Variants in UBR3 observed in about 807,000 individuals in gnomAD.
UBR3 encodes the protein E3 ubiquitin-protein ligase UBR3.
Under a neutral mutation model 243.2 loss-of-function variants are expected in UBR3, and 85 were observed. The observed-to-expected ratio is 0.35, with a 90% CI of 0.29 to 0.42. The LOEUF is 0.42. Among genes scored for constraint, UBR3 ranks in the 10% least tolerant of loss-of-function variants. The probability of loss-of-function intolerance (pLI) is 1.00; values close to 1 mark genes in which losing one functional copy is unlikely to be tolerated. For synonymous variants in UBR3, 748 were observed against 799.8 expected, an observed-to-expected ratio of 0.94 and a Z score of 1.09; for missense variants, 1,686 against 2,300.8, an observed-to-expected ratio of 0.73 and a Z score of 5.47.
intron 23 of UBR3, among the ~76,000 whole-genome samples, chr2:169,956,203 ACTCTCTCT>A (rs34139919): frequency 8.2e-5 from 12 of 145,886 alleles, no homozygotes; most frequent in South Asian, 2.2e-4. Context: ...GACACCTATA[ACTCTCTCT>A]CTCTCTCTCT....
At chr2:169,930,251 T>G (rs2086069750) in intron 18 of UBR3, among the ~76,000 whole-genome samples, 1 of 152,188 alleles carries the variant, frequency 6.6e-6, no homozygotes, top group South Asian at 2.1e-4. Flanking sequence ...AACAAGCTGT[T>G]TAGATGACTG....
chr2:169,905,420 G>C, intron 9 of UBR3, 127 bp downstream of exon 9: 1 of 646,960 alleles, frequency 1.5e-6, no homozygotes, highest in East Asian at 3.4e-5. Context: ...TATTTTAATT[G>C]GTATTTGTAA....
chr2:169,861,627 GAAAA>G (rs2083095996), intron 1 of UBR3, among the ~76,000 whole-genome samples: 1 of 150,110 alleles, frequency 6.7e-6, no homozygotes, highest in African/African-American at 2.4e-5. Flanking sequence ...AAAAAGAAAA[GAAAA>G]AGAAAAGCCC....
chr2:170,002,595 C>T (rs1325429753), intron 27 of UBR3, among the ~76,000 whole-genome samples: 1 of 152,148 alleles, frequency 6.6e-6, no homozygotes, highest in Non-Finnish European at 1.5e-5. Context: ...AGTACTGTAG[C>T]CCTTCTTCTG....
At chr2:169,943,096 C>A (rs978086417) in intron 20 of UBR3, among the ~76,000 whole-genome samples, 1 of 152,104 alleles carries the variant, frequency 6.6e-6, no homozygotes, top group Non-Finnish European at 1.5e-5. Flanking sequence ...GTGGCAAGAT[C>A]AAAAATTGTT....
At chr2:170,035,614 T>A (rs1009682337) in intron 31 of UBR3, among the ~76,000 whole-genome samples, 80 of 152,122 alleles carry the variant, frequency 5.3e-4, no homozygotes, top group African/African-American at 1.9e-3. Flanking sequence ...CTAATTTTGT[T>A]CTTCTTCGAT....
intron 26 of UBR3, among the ~76,000 whole-genome samples, chr2:169,996,691 TTG>T (rs869270044): frequency 0.078 from 3,358 of 43,050 alleles, 136 homozygotes; most frequent in Non-Finnish European, 0.15. Context: ...CTTTGGACTT[TTG>T]TTTTTTTTTT....
intron 11 of UBR3, among the ~76,000 whole-genome samples, chr2:169,923,365 A>G (rs1296306283): frequency 6.6e-6 from 1 of 152,124 alleles, no homozygotes; most frequent in Non-Finnish European, 1.5e-5. Context: ...CTACTTTTGA[A>G]CTTTAGGAAG....
chr2:169,935,262 C>A (rs1310896767), intron 19 of UBR3, among the ~76,000 whole-genome samples: 2 of 152,098 alleles, frequency 1.3e-5, no homozygotes, highest in African/African-American at 2.4e-5. Context: ...AACTTCTGGA[C>A]TCAAGTGATC....
chr2:170,035,913 G>GGA (rs1559206580), intron 31 of UBR3, among the ~76,000 whole-genome samples: 1 of 125,850 alleles, frequency 7.9e-6, no homozygotes, highest in Non-Finnish European at 1.8e-5. Flanking sequence ...ATTTTATTGG[G>GGA]GGGGGGGTTG....
intron 26 of UBR3, among the ~76,000 whole-genome samples, chr2:169,999,164 G>A (rs2089602899): frequency 6.6e-6 from 1 of 152,156 alleles, no homozygotes; most frequent in Non-Finnish European, 1.5e-5. Flanking sequence ...CCTTTTTGTA[G>A]TATAGTGCCA....
In UBR3 at chr2:169,872,233, C is replaced by A; in HGVS notation, c.546-3C>A. The A allele has an allele frequency of 6.6e-7, 1 of 1,505,412 alleles. No homozygotes were observed. The highest frequency in any genetic ancestry group is 1.4e-5 in the South Asian group (1 of 74,000). The allele number at this position is 1,505,412 out of a possible 1,614,324, so 93.3% of individuals were successfully genotyped here. A position where few individuals can be genotyped will look rare whatever the true frequency, so the allele number is the denominator to read the frequency against. ...GTTAATTTTTTTCTTTTTCATATTA[C>A]AGGTTTTGCAAAAGGCATCAAATTA... On this transcript the variant is annotated splice_polypyrimidine_tract_variant and splice_region_variant and intron_variant, in intron 1 of 38. Coordinates refer to ENST00000272793, the MANE Select transcript of UBR3 (RefSeq NM_172070.4).
chr2:170,060,763 G>A (rs1432660707), intron 33 of UBR3, among the ~76,000 whole-genome samples: 1 of 150,660 alleles, frequency 6.6e-6, no homozygotes, highest in African/African-American at 2.4e-5. Flanking sequence ...TTTTTCTTTT[G>A]GATTATATCC....
chr2:169,888,917 C>CTT (rs368350576), intron 5 of UBR3, among the ~76,000 whole-genome samples: 5 of 148,390 alleles, frequency 3.4e-5, no homozygotes, highest in African/African-American at 1.2e-4. Context: ...AAACCAAAGA[C>CTT]TTTTTTTTTT....
intron 6 of UBR3, among the ~76,000 whole-genome samples, chr2:169,892,905 T>C (rs903769598): frequency 6.6e-6 from 1 of 152,224 alleles, no homozygotes; most frequent in African/African-American, 2.4e-5. Flanking sequence ...AGCTAGTGAG[T>C]TGCAGAACTT....
At chr2:170,077,212 A>G (rs1033466450) in intron 36 of UBR3, 9 of 699,076 alleles carry the variant, frequency 1.3e-5, no homozygotes, top group South Asian at 2.7e-5. Flanking sequence ...ATAAATATCT[A>G]TGAAAGTGCT....
chr2:169,903,243 GA>G (rs1400582528), intron 8 of UBR3, among the ~76,000 whole-genome samples: 3 of 152,108 alleles, frequency 2.0e-5, no homozygotes, highest in Non-Finnish European at 4.4e-5. Context: ...TTTTTTACAA[GA>G]ACAGTAGTAT....
intron 24 of UBR3, among the ~76,000 whole-genome samples, chr2:169,978,452 A>AC (rs2088567659): frequency 6.6e-6 from 1 of 151,692 alleles, no homozygotes; most frequent in African/African-American, 2.4e-5. Context: ...TGGGTTGTTT[A>AC]CCCCGGGGGA....
chr2:169,862,364 A>G (rs2083123110), intron 1 of UBR3, among the ~76,000 whole-genome samples: 1 of 152,164 alleles, frequency 6.6e-6, no homozygotes, highest in Admixed American at 6.5e-5. Context: ...TTAGCGATGT[A>G]GAAATGTATA....
Sources: allele counts gnomAD v4.1 joint callset (sites outside exome capture counted in the v4.1 genomes callset), GRCh38; gene constraint gnomAD v4.1.1; transcripts MANE v1.5; gene names NCBI Gene and HGNC (gene_info 2026-07-23, HGNC 2026-07-21).